Variants in CHD1 observed in about 807,000 individuals in gnomAD.
CHD1 encodes the protein ATP-dependent chromatin remodeler CHD1.
Under a neutral mutation model 224.2 loss-of-function variants are expected in CHD1, and 36 were observed. That is an observed-to-expected ratio of 0.16 (90% CI 0.12 to 0.21). CHD1 has a LOEUF of 0.21. Among genes scored for constraint, CHD1 ranks in the 10% least tolerant of loss-of-function variants. The probability of loss-of-function intolerance (pLI) is 1.00; values close to 1 mark genes in which losing one functional copy is unlikely to be tolerated. For missense variants in CHD1, 1,378 were observed against 1,994.8 expected (o/e 0.69, Z 5.89); for synonymous variants, 668 against 658.3 (o/e 1.01, Z -0.23).
At chr5:98,893,670 T>A in intron 13 of CHD1, 64 bp from the exon 14 acceptor site, 1 of 949,778 alleles carries the variant, frequency 1.1e-6, no homozygotes, top group Non-Finnish European at 1.6e-6. Context: ...CCTTCCCATT[T>A]AATCTGAACT....
Position 98,898,257 on chromosome 5 carries a change from T to C in CHD1, c.1364A>G (p.Lys455Arg). ...TTTAAAATGTTAGACAATACTCACTTTGCAATCTTTAAAAGGAGTGGTTTT... is the reference window on the plus strand; with the variant it reads ...TTTAAAATGTTAGACAATACTCACTCTGCAATCTTTAAAAGGAGTGGTTTT... Reference protein sequence around the residue: ...QSKTTPFKDCKVLKQRPRFVA... With the variant: ...QSKTTPFKDCRVLKQRPRFVA... Residue 455 changes from lysine (K) to arginine (R), a missense_variant and splice_region_variant, in exon 10 of 36, where the codon AAA becomes AGA. Coordinates refer to ENST00000614616, the MANE Select transcript of CHD1 (RefSeq NM_001270.4). The C allele has an allele frequency of 6.7e-7, 1 of 1,488,452 alleles. No homozygotes were observed. The highest frequency in any genetic ancestry group is 9.0e-7 in the Non-Finnish European group (1 of 1,115,556). 92.2% of individuals were successfully genotyped at this position (1,488,452 alleles called of 1,614,324 possible). A position where few individuals can be genotyped will look rare whatever the true frequency, so the allele number is the denominator to read the frequency against.
At chr5:98,899,786 G>A in intron 7 of CHD1, 81 bp from the exon 8 acceptor site, 2 of 938,056 alleles carry the variant, frequency 2.1e-6, no homozygotes, top group Non-Finnish European at 3.3e-6. Flanking sequence ...TCAATAATAT[G>A]AGTACAAAAA....
intron 33 of CHD1, among the ~76,000 whole-genome samples, chr5:98,859,619 A>T (rs1314554621): frequency 2.6e-5 from 4 of 152,146 alleles, no homozygotes; most frequent in Admixed American, 2.6e-4. Flanking sequence ...TAAGTGATGT[A>T]CCTTTCTCAG....
At chr5:98,910,147 T>C (rs1441542953) in intron 2 of CHD1, among the ~76,000 whole-genome samples, 1 of 152,196 alleles carries the variant, frequency 6.6e-6, no homozygotes, top group African/African-American at 2.4e-5. Flanking sequence ...TTAGAGAAAC[T>C]ACATTAAGAA....
intron 15 of CHD1, 25 bp downstream of exon 15, chr5:98,892,500 G>A: frequency 6.4e-7 from 1 of 1,564,772 alleles, no homozygotes; most frequent in Non-Finnish European, 8.7e-7. Flanking sequence ...TAGAAGTTCA[G>A]AACTGTGTTC....
chr5:98,924,645 G>C (rs1753329556), intron 2 of CHD1, among the ~76,000 whole-genome samples: 3 of 152,178 alleles, frequency 2.0e-5, no homozygotes, highest in African/African-American at 7.2e-5. Context: ...ATGTATGAAA[G>C]CTGATAAACT....
At chr5:98,882,401 G>T (rs1750256665) in intron 19 of CHD1, among the ~76,000 whole-genome samples, 1 of 130,670 alleles carries the variant, frequency 7.7e-6, no homozygotes, top group African/African-American at 3.1e-5. Flanking sequence ...TTTATGTTAT[G>T]ATTTAGCTGG....
intron 2 of CHD1, among the ~76,000 whole-genome samples, chr5:98,913,496 CT>C (rs1244503116): frequency 6.6e-6 from 1 of 152,058 alleles, no homozygotes; most frequent in Non-Finnish European, 1.5e-5. Flanking sequence ...AGGCAGCCTT[CT>C]TTTAGGGAAT....
intron 2 of CHD1, among the ~76,000 whole-genome samples, chr5:98,923,223 AAAG>A (rs1335310555): frequency 1.3e-5 from 2 of 152,258 alleles, no homozygotes; most frequent in Admixed American, 6.5e-5. Context: ...TGAAGGCAAA[AAAG>A]AAGGTCTCTC....
chr5:98,905,291 G>A (rs1190319059), intron 2 of CHD1, among the ~76,000 whole-genome samples, 193 bp from the exon 3 acceptor site: 6 of 151,962 alleles, frequency 3.9e-5, no homozygotes, highest in East Asian at 3.8e-4. Flanking sequence ...TTATTTATAC[G>A]TGATAGATTA....
chr5:98,916,264 T>C (rs1752722635), intron 2 of CHD1, among the ~76,000 whole-genome samples: 1 of 151,836 alleles, frequency 6.6e-6, no homozygotes, highest in Non-Finnish European at 1.5e-5. Flanking sequence ...AAAAAGGTTT[T>C]GGCAGGTGTG....
chr5:98,891,069 TAA>T (rs1348452983), intron 15 of CHD1, among the ~76,000 whole-genome samples: 1 of 152,190 alleles, frequency 6.6e-6, no homozygotes, highest in Non-Finnish European at 1.5e-5. Flanking sequence ...GTGAAAATTT[TAA>T]AGTGGGTTAT....
At chr5:98,923,477 G>A (rs933021420) in intron 2 of CHD1, among the ~76,000 whole-genome samples, 2 of 150,374 alleles carry the variant, frequency 1.3e-5, no homozygotes, top group African/African-American at 4.9e-5. Context: ...GTGCAATCGC[G>A]CAATCTCCGG....
chr5:98,859,806 C>A (rs1302723574), intron 33 of CHD1, among the ~76,000 whole-genome samples, 166 bp downstream of exon 33: 5 of 152,086 alleles, frequency 3.3e-5, no homozygotes, highest in Non-Finnish European at 7.4e-5. Flanking sequence ...AATTTTACCT[C>A]TCTTCTGTGA....
chr5:98,894,067 T>C (rs1263184894), intron 13 of CHD1, among the ~76,000 whole-genome samples: 1 of 152,224 alleles, frequency 6.6e-6, no homozygotes, highest in Non-Finnish European at 1.5e-5. Context: ...AGAGCAGGCC[T>C]GATTCCGCTA....
chr5:98,870,314 T>C (rs923958654), intron 29 of CHD1, among the ~76,000 whole-genome samples: 50 of 152,270 alleles, frequency 3.3e-4, no homozygotes, highest in Admixed American at 1.3e-4. Flanking sequence ...TCTTTTTCAG[T>C]AAGCTTGGCA....
chr5:98,884,888 T>C (rs995027439), intron 18 of CHD1, among the ~76,000 whole-genome samples: 2 of 151,922 alleles, frequency 1.3e-5, no homozygotes, highest in African/African-American at 2.4e-5. Context: ...GTTTATTTTT[T>C]TTACTTTTTA....
rs754525884 is a variant in CHD1 at position 98,892,671 on chromosome 5, C to T, written c.2034G>A (p.Gly678=). Residue 678 remains glycine, a synonymous_variant, in exon 15 of 36, where the codon GGG becomes GGA. Coordinates refer to ENST00000614616, the MANE Select transcript of CHD1 (RefSeq NM_001270.4). ...WEDFEEEHGK[G]REYGYASLHK... is the part of the protein sequence containing the mutation. The stretch of plus-strand genomic sequence containing the variant: ...GAAGGCTTGCATAACCATATTCTCT[C>T]CCTTTGCCATGTTCTTCTTCAAAAT... 4 of 1,608,340 alleles carry T rather than the reference C, an allele frequency of 2.5e-6. No homozygotes were observed. The highest frequency in any genetic ancestry group is 3.4e-6 in the Non-Finnish European group (4 of 1,176,568).
At chr5:98,921,925 G>A (rs1753122144) in intron 2 of CHD1, among the ~76,000 whole-genome samples, 2 of 152,190 alleles carry the variant, frequency 1.3e-5, no homozygotes, top group African/African-American at 4.8e-5. Context: ...GCCGAGGTGG[G>A]TGGATCACAA....
Sources: gnomAD v4.1 joint callset for allele counts (sites outside exome capture counted in the v4.1 genomes callset) on GRCh38, gnomAD v4.1.1 for gene constraint, MANE v1.5 for transcripts, NCBI Gene and HGNC (gene_info 2026-07-23, HGNC 2026-07-21) for gene names.